Variants in GRAMD1B observed in about 807,000 individuals in gnomAD.
GRAMD1B encodes GRAM domain containing 1B.
A neutral mutation model predicts 99.7 loss-of-function variants in GRAMD1B; 37 were observed. The observed-to-expected ratio is 0.37, with a 90% CI of 0.29 to 0.49. GRAMD1B has a LOEUF of 0.49. GRAMD1B is among the 20% of genes least tolerant of loss of function. The probability of loss-of-function intolerance (pLI) is 0.98; values close to 1 mark genes in which losing one functional copy is unlikely to be tolerated. For synonymous variants in GRAMD1B, 427 were observed against 387.6 expected, an observed-to-expected ratio of 1.10 and a Z score of -1.19; for missense variants, 888 against 1,009.2, an observed-to-expected ratio of 0.88 and a Z score of 1.63.
Position 123,492,497 on chromosome 11 carries a change from C to G in GRAMD1B, c.452+11604C>G, listed in dbSNP as rs1938663311. Among the ~76,000 whole-genome samples the G allele has an allele frequency of 6.6e-6, 1 of 152,138 alleles. No homozygotes were observed. Among genetic ancestry groups the G allele is most frequent in the Admixed American group, 6.5e-5 (1 of 15,276 alleles). On this transcript the variant is annotated intron_variant, in intron 2 of 19. Transcript: ENST00000635736. This position sits in a 1 kb window ranked among gnomAD's most constrained non-coding sequence, Gnocchi z 4.2. ...CTTTTTCCTAAAACAGCCCCCATACCTGGCAGATGGGCTGCAGTGGCTCCT... is the reference window on the plus strand; with the variant it reads ...CTTTTTCCTAAAACAGCCCCCATACGTGGCAGATGGGCTGCAGTGGCTCCT...
At chr11:123,598,166 GC>G in intron 7 of GRAMD1B, 1 of 1,538,714 alleles carries the variant, frequency 6.5e-7, no homozygotes, top group Non-Finnish European at 9.0e-7. Flanking sequence ...TGAGCATGAT[GC>G]CATTCAGCAA....
intron 16 of GRAMD1B, among the ~76,000 whole-genome samples, chr11:123,614,073 C>T (rs567374304): frequency 6.6e-6 from 1 of 152,312 alleles, no homozygotes; most frequent in East Asian, 1.9e-4. Flanking sequence ...ATGGGCCAAC[C>T]CAGGCTTGCC....
intron 1 of GRAMD1B, among the ~76,000 whole-genome samples, chr11:123,400,169 G>A (rs533519830): frequency 2.0e-5 from 3 of 152,096 alleles, no homozygotes; most frequent in South Asian, 4.2e-4. Context: ...ACCATAGACC[G>A]GATACCTTAT....
chr11:123,402,968 T>TC, intron 1 of GRAMD1B, among the ~76,000 whole-genome samples: 1 of 30,758 alleles, frequency 3.3e-5, no homozygotes, highest in East Asian at 4.5e-4. Flanking sequence ...ATTAAAAATC[T>TC]TTTTTTTTTT....
intron 2 of GRAMD1B, among the ~76,000 whole-genome samples, chr11:123,511,264 C>A (rs540195101): frequency 6.6e-6 from 1 of 152,164 alleles, no homozygotes; most frequent in Non-Finnish European, 1.5e-5. Context: ...CTGCAGCAGA[C>A]GTTGGCCTTG....
At chr11:123,460,799 G>C (rs370382719) in intron 1 of GRAMD1B, among the ~76,000 whole-genome samples, 191 of 152,224 alleles carry the variant, frequency 1.3e-3, no homozygotes, top group African/African-American at 4.4e-3. Context: ...CTTGAGCTCC[G>C]AGGTCACTAG....
intron 8 of GRAMD1B, among the ~76,000 whole-genome samples, chr11:123,600,986 C>T (rs1029727421): frequency 1.3e-5 from 2 of 152,050 alleles, no homozygotes; most frequent in African/African-American, 4.8e-5. Flanking sequence ...GGCAAGCAGG[C>T]CGAGCAGGTC....
intron 1 of GRAMD1B, among the ~76,000 whole-genome samples, chr11:123,424,801 G>T (rs1272714293): frequency 6.6e-6 from 1 of 152,096 alleles, no homozygotes; most frequent in Non-Finnish European, 1.5e-5. Flanking sequence ...AATTAATTCT[G>T]CTTTGAGGGA....
chr11:123,364,905 C>T (rs957885217), intron 1 of GRAMD1B, among the ~76,000 whole-genome samples: 1 of 151,994 alleles, frequency 6.6e-6, no homozygotes, highest in Non-Finnish European at 1.5e-5. Context: ...TATACAAAGT[C>T]TTTCATTTTT....
At position 123,584,138 on chromosome 11, in the gene GRAMD1B, G is replaced by A. The variant is rs555387701; in HGVS notation, c.664-174G>A. ...TGGACTGCTCCCGGGCCTCCTTTCTGGAACTGCCTTGAGAAAGGAGGACCC... is the reference window on the plus strand; with the variant it reads ...TGGACTGCTCCCGGGCCTCCTTTCTAGAACTGCCTTGAGAAAGGAGGACCC... On this transcript the variant is annotated intron_variant, in intron 3 of 19. Transcript: ENST00000635736. Among the ~76,000 whole-genome samples the A allele has an allele frequency of 2.6e-5, 4 of 151,752 alleles. No homozygotes were observed. The East Asian group carries it at 6.0e-4, about 23-fold the overall frequency.
At chr11:123,596,309 C>T (rs982480233) in intron 7 of GRAMD1B, among the ~76,000 whole-genome samples, 4 of 152,238 alleles carry the variant, frequency 2.6e-5, no homozygotes, top group African/African-American at 9.6e-5. Context: ...TATCTCTAAG[C>T]CTAAGTTTTT....
intron 2 of GRAMD1B, among the ~76,000 whole-genome samples, chr11:123,487,562 T>A (rs1420533028): frequency 6.6e-6 from 1 of 152,208 alleles, no homozygotes; most frequent in Non-Finnish European, 1.5e-5. Context: ...GAGTGAGTAT[T>A]CTTTATGGAT....
At chr11:123,411,805 G>T (rs1017889314) in intron 1 of GRAMD1B, among the ~76,000 whole-genome samples, 2 of 152,020 alleles carry the variant, frequency 1.3e-5, no homozygotes, top group Non-Finnish European at 2.9e-5. Flanking sequence ...GCACCACCAT[G>T]CTTGGGTAAT....
Position 123,591,144 on chromosome 11 carries a change from G to T in GRAMD1B, c.685-2938G>T. On this transcript the variant is annotated intron_variant, in intron 4 of 19. Coordinates refer to ENST00000635736, the MANE Select transcript of GRAMD1B (RefSeq NM_001387025.1). The surrounding 1 kb of genome is among the most constrained non-coding windows in gnomAD (Gnocchi z 4.7). ...GAAGAAAGCAGAGCCCGCCATGGGA[G>T]ACTGGCTGGCCAGCTTGTCCTGAGA... The T allele has an allele frequency of 3.0e-6, 1 of 328,986 alleles. No individual in the cohort carries two copies. Among genetic ancestry groups the T allele is most frequent in the East Asian group, 4.6e-5 (1 of 21,804 alleles). 20.4% of individuals were successfully genotyped at this position (328,986 alleles called of 1,614,324 possible).
chr11:123,401,759 A>C (rs1200701332), intron 1 of GRAMD1B, among the ~76,000 whole-genome samples: 1 of 152,134 alleles, frequency 6.6e-6, no homozygotes, highest in Non-Finnish European at 1.5e-5. Context: ...AAACAAAGAA[A>C]TTAGCCAGGG....
intron 1 of GRAMD1B, among the ~76,000 whole-genome samples, chr11:123,434,456 A>G (rs1171379941): frequency 2.0e-5 from 3 of 152,114 alleles, no homozygotes; most frequent in Non-Finnish European, 4.4e-5. Flanking sequence ...AGCAGCAATC[A>G]AGTGAATAGG....
chr11:123,564,643 A>G (rs925855742), intron 2 of GRAMD1B, among the ~76,000 whole-genome samples: 12 of 152,222 alleles, frequency 7.9e-5, no homozygotes, highest in African/African-American at 2.9e-4. Flanking sequence ...CCCAATGCCT[A>G]AACCTTTACC....
chr11:123,568,116 GT>G (rs34996751), intron 2 of GRAMD1B, among the ~76,000 whole-genome samples: 168 of 149,646 alleles, frequency 1.1e-3, no homozygotes, highest in African/African-American at 3.4e-3. Flanking sequence ...AAAGTTTTGG[GT>G]TTTTTTTTTA....
intron 3 of GRAMD1B, 151 bp from the exon 4 acceptor site, chr11:123,584,161 C>A: frequency 1.9e-6 from 1 of 538,494 alleles, no homozygotes; most frequent in Non-Finnish European, 3.3e-6. Flanking sequence ...GAAAGGAGGA[C>A]CCCTCCTGAG....
Sources: allele counts gnomAD v4.1 joint callset (sites outside exome capture counted in the v4.1 genomes callset), GRCh38; gene constraint gnomAD v4.1.1; non-coding constraint Gnocchi (gnomAD v3.1); transcripts MANE v1.5; gene names NCBI Gene and HGNC (gene_info 2026-07-23, HGNC 2026-07-21).